HYCC1: variants seen among roughly 807,000 people sequenced by gnomAD.
HYCC1 encodes the protein hyccin.
chr7:22,916,110 C>A, the HYCC1 span, among the ~76,000 whole-genome samples: 1 of 152,126 alleles, frequency 6.6e-6, no homozygotes, highest in Non-Finnish European at 1.5e-5. Flanking sequence ...CATCCCACAG[C>A]ATGCTTTAAA....
the HYCC1 span, among the ~76,000 whole-genome samples, chr7:22,997,892 T>C: frequency 1.2e-4 from 18 of 152,320 alleles, 1 homozygote; most frequent in South Asian, 1.0e-3. Context: ...GGCTAAACCA[T>C]CTTTTGCCTA....
the HYCC1 span, among the ~76,000 whole-genome samples, chr7:22,969,970 G>C: frequency 6.6e-6 from 1 of 152,102 alleles, no homozygotes; most frequent in Non-Finnish European, 1.5e-5. Flanking sequence ...AAATAGTATA[G>C]GGTTCAGGAA....
chr7:22,999,116 T>C, the HYCC1 span, among the ~76,000 whole-genome samples: 8 of 152,304 alleles, frequency 5.3e-5, no homozygotes, highest in East Asian at 1.3e-3. Context: ...TAAAGACTGA[T>C]TGATGCAGAT....
the HYCC1 span, among the ~76,000 whole-genome samples, chr7:22,927,804 A>T: frequency 0.24 from 37,082 of 152,178 alleles, 4,684 homozygotes; most frequent in East Asian, 0.45. Context: ...CAATCAAGAG[A>T]AAAAGAGAGA....
At chr7:22,945,657 G>T in the HYCC1 span, 1 of 1,613,808 alleles carries the variant, frequency 6.2e-7, no homozygotes, top group Non-Finnish European at 8.5e-7. Context: ...TTCATTGGAA[G>T]TTCAGTTCTT....
the HYCC1 span, chr7:22,945,239 C>A: frequency 3.2e-6 from 1 of 312,958 alleles, no homozygotes; most frequent in South Asian, 3.5e-5. Context: ...CAAACCAAAC[C>A]AAAACAAGAA....
chr7:22,928,523 G>C, the HYCC1 span, among the ~76,000 whole-genome samples: 1 of 152,110 alleles, frequency 6.6e-6, no homozygotes, highest in Non-Finnish European at 1.5e-5. Context: ...AAAATCATAA[G>C]CATTCTTATA....
At chr7:22,906,435 G>A in the HYCC1 span, among the ~76,000 whole-genome samples, 8 of 151,896 alleles carry the variant, frequency 5.3e-5, no homozygotes, top group Admixed American at 2.6e-4. Flanking sequence ...AAAATCAGCC[G>A]AGCATGGTAG....
chr7:23,013,742 C>A, the HYCC1 span, among the ~76,000 whole-genome samples: 5 of 151,808 alleles, frequency 3.3e-5, no homozygotes, highest in African/African-American at 1.2e-4. Flanking sequence ...CGCCCCGCGC[C>A]GCCTCGCACC....
chr7:22,995,673 A>G, the HYCC1 span, among the ~76,000 whole-genome samples: 33 of 152,290 alleles, frequency 2.2e-4, no homozygotes, highest in Middle Eastern at 3.4e-3. Context: ...GATTAAATAA[A>G]TAAGAGAATA....
At chr7:22,917,426 C>T in the HYCC1 span, among the ~76,000 whole-genome samples, 1 of 152,172 alleles carries the variant, frequency 6.6e-6, no homozygotes, top group African/African-American at 2.4e-5. Flanking sequence ...TCTACGACTC[C>T]TGAGGGATTG....
chr7:22,931,257 A>AG, the HYCC1 span, among the ~76,000 whole-genome samples: 3 of 86,234 alleles, frequency 3.5e-5, no homozygotes, highest in Non-Finnish European at 7.8e-5. Context: ...AAAAAAAAGA[A>AG]AAAAAAAAAA....
At chr7:22,926,379 C>G in the HYCC1 span, among the ~76,000 whole-genome samples, 51 of 152,268 alleles carry the variant, frequency 3.3e-4, no homozygotes, top group African/African-American at 1.2e-3. Flanking sequence ...TTAAAAGGCA[C>G]TGACTGGCAA....
At chr7:22,945,780 CACT>C in the HYCC1 span, 1 of 1,613,762 alleles carries the variant, frequency 6.2e-7, no homozygotes, top group Non-Finnish European at 8.5e-7. Context: ...ACTGTGACAC[CACT>C]GACTTGTTCA....
chr7:23,013,448 G>A, the HYCC1 span, among the ~76,000 whole-genome samples: 1 of 152,222 alleles, frequency 6.6e-6, no homozygotes. Context: ...CGGCCTCGCC[G>A]AAGTAGAGGG....
At chr7:22,949,432 C>T in the HYCC1 span, among the ~76,000 whole-genome samples, 3 of 152,060 alleles carry the variant, frequency 2.0e-5, no homozygotes, top group African/African-American at 7.2e-5. Flanking sequence ...AGTTAAATAT[C>T]CTCTGACATC....
At chr7:22,908,657 G>A in the HYCC1 span, among the ~76,000 whole-genome samples, 1 of 152,074 alleles carries the variant, frequency 6.6e-6, no homozygotes, top group Admixed American at 6.6e-5. Flanking sequence ...CAGTCAGACT[G>A]GACTCCTTAT....
At chr7:22,941,981 A>G in the HYCC1 span, 1 of 152,128 alleles carries the variant, frequency 6.6e-6, no homozygotes. Flanking sequence ...ATTATTCAAC[A>G]TGTATATATT....
chr7:22,905,633 C>T, the HYCC1 span, among the ~76,000 whole-genome samples: 1 of 151,842 alleles, frequency 6.6e-6, no homozygotes, highest in Admixed American at 6.6e-5. Flanking sequence ...GAAAAAAGTG[C>T]TATTATCATC....
Sources: gnomAD v4.1 joint callset for allele counts (sites outside exome capture counted in the v4.1 genomes callset) on GRCh38, gnomAD v4.1.1 for gene constraint, MANE v1.5 for transcripts, NCBI Gene and HGNC (gene_info 2026-07-23, HGNC 2026-07-21) for gene names.